Variants in SHANK2 observed in about 807,000 individuals in gnomAD.
SHANK2 encodes the protein SH3 and multiple ankyrin repeat domains protein 2.
SHANK2 carries 43 observed loss-of-function variants against 133.7 expected under a neutral mutation model. The ratio of observed to expected loss-of-function variants is 0.32; its 90% confidence interval spans 0.25 to 0.41. SHANK2 has a LOEUF of 0.41. Ranked by LOEUF, SHANK2 falls within the 10% of genes least tolerant of loss-of-function variation. The pLI is 1.00. For missense variants in SHANK2, 1,994 were observed against 2,235.8 expected, an observed-to-expected ratio of 0.89 and a Z score of 2.18; for synonymous variants, 1,017 against 952.8, an observed-to-expected ratio of 1.07 and a Z score of -1.24.
At chr11:70,880,962 T>C (rs1949650442) in intron 11 of SHANK2, among the ~76,000 whole-genome samples, 1 of 152,182 alleles carries the variant, frequency 6.6e-6, no homozygotes, top group Admixed American at 6.5e-5. Flanking sequence ...ACATTCTGAG[T>C]CTGTGTTCCC....
At chr11:71,095,007 G>A (rs1951581420) in intron 6 of SHANK2, among the ~76,000 whole-genome samples, 1 of 152,188 alleles carries the variant, frequency 6.6e-6, no homozygotes. Flanking sequence ...AGAATCCTGT[G>A]GTACCATCTG....
At chr11:70,530,461 G>A (rs976311362) in intron 17 of SHANK2, among the ~76,000 whole-genome samples, 7 of 152,116 alleles carry the variant, frequency 4.6e-5, no homozygotes, top group Admixed American at 2.0e-4. Flanking sequence ...GCTTGAGCCC[G>A]GGAATTTGAG....
intron 20 of SHANK2, among the ~76,000 whole-genome samples, chr11:70,501,081 G>A (rs1034824601): frequency 6.7e-6 from 1 of 148,674 alleles, no homozygotes; most frequent in African/African-American, 2.6e-5. Flanking sequence ...TCTGTGGAGA[G>A]GGCCTGGAGG....
chr11:70,601,175 C>T (rs2060492094), intron 17 of SHANK2, among the ~76,000 whole-genome samples: 1 of 152,002 alleles, frequency 6.6e-6, no homozygotes, highest in Non-Finnish European at 1.5e-5. Flanking sequence ...CCTCAGCCTC[C>T]TGAGTAGCTG....
intron 14 of SHANK2, among the ~76,000 whole-genome samples, chr11:70,787,889 T>A (rs1309331134): frequency 6.6e-6 from 1 of 152,162 alleles, no homozygotes; most frequent in Non-Finnish European, 1.5e-5. Flanking sequence ...ACTCACCATC[T>A]CTGACCTCGT....
intron 14 of SHANK2, among the ~76,000 whole-genome samples, chr11:70,724,834 T>C (rs1267547203): frequency 6.6e-6 from 1 of 152,188 alleles, no homozygotes; most frequent in African/African-American, 2.4e-5. Flanking sequence ...TCTCAAGATC[T>C]AACGGGGTGA....
chr11:70,728,151 C>T (rs956089227), intron 14 of SHANK2, among the ~76,000 whole-genome samples: 3 of 152,130 alleles, frequency 2.0e-5, no homozygotes, highest in East Asian at 1.9e-4. Context: ...CCATAGAAAC[C>T]GAGCCATGGG....
At position 71,246,388 on chromosome 11, in the gene SHANK2, G is replaced by T. The variant is rs148024721; in HGVS notation, c.-113+6037C>A. Among the ~76,000 whole-genome samples the T allele has an allele frequency of 3.9e-5, 6 of 152,150 alleles. No individual in the cohort carries two copies. In the East Asian group the frequency reaches 1.2e-3, roughly 29 times the overall value. ...ATGAGCCGGAGTGAGGAAGACGTGG[G>T]GCAGGACACCCCCAAGTCTGCAGGG... On this transcript the variant is annotated intron_variant, in intron 1 of 25. Transcript: ENST00000601538.
chr11:71,240,035 T>C (rs1212412526), intron 1 of SHANK2, among the ~76,000 whole-genome samples: 2 of 152,154 alleles, frequency 1.3e-5, no homozygotes, highest in Non-Finnish European at 2.9e-5. Flanking sequence ...AATAGTAATA[T>C]GATACTAATT....
At chr11:70,907,450 CAA>C (rs1950123792) in intron 10 of SHANK2, among the ~76,000 whole-genome samples, 1 of 152,182 alleles carries the variant, frequency 6.6e-6, no homozygotes, top group South Asian at 2.1e-4. Flanking sequence ...GCACCGATAC[CAA>C]AGACAACCTC....
chr11:70,755,420 C>T (rs1946846585), intron 14 of SHANK2, among the ~76,000 whole-genome samples: 1 of 152,228 alleles, frequency 6.6e-6, no homozygotes, highest in South Asian at 2.1e-4. Context: ...GGGCTTCCTG[C>T]AGAAACTGTG....
chr11:70,528,296 G>A (rs1473457726), intron 17 of SHANK2, among the ~76,000 whole-genome samples: 1 of 152,200 alleles, frequency 6.6e-6, no homozygotes, highest in Non-Finnish European at 1.5e-5. Flanking sequence ...TCCGGTGGAA[G>A]CAGGAAGGTT....
intron 17 of SHANK2, among the ~76,000 whole-genome samples, chr11:70,550,781 C>T (rs1488097473): frequency 4.6e-5 from 7 of 152,188 alleles, no homozygotes; most frequent in African/African-American, 1.7e-4. Context: ...CCCAGGCAGT[C>T]AGCGGGTGAA....
chr11:71,214,962 G>C (rs1954375062), intron 2 of SHANK2, among the ~76,000 whole-genome samples: 1 of 152,220 alleles, frequency 6.6e-6, no homozygotes. Flanking sequence ...AGGGAGAACA[G>C]AATAGGGCTG....
At chr11:70,942,561 G>C (rs1412190727) in intron 10 of SHANK2, 1 of 456,620 alleles carries the variant, frequency 2.2e-6, no homozygotes. Context: ...TTCAACATGA[G>C]ATTTGGTGGG....
At chr11:71,071,308 C>A (rs1951138324) in intron 9 of SHANK2, among the ~76,000 whole-genome samples, 1 of 152,238 alleles carries the variant, frequency 6.6e-6, no homozygotes. Flanking sequence ...CCTAGGGACA[C>A]AGCTGCATAC....
intron 14 of SHANK2, among the ~76,000 whole-genome samples, chr11:70,731,880 C>T (rs529860419): frequency 1.2e-3 from 190 of 152,294 alleles, no homozygotes; most frequent in Middle Eastern, 0.01. Context: ...CTGACACAGC[C>T]GCCTCCTCCT....
At chr11:71,068,199 T>G (rs1357042979) in intron 9 of SHANK2, among the ~76,000 whole-genome samples, 2 of 151,938 alleles carry the variant, frequency 1.3e-5, no homozygotes, top group African/African-American at 4.8e-5. Context: ...AATCTACAAG[T>G]AGAAAGAGGA....
At position 70,807,072 on chromosome 11, in the gene SHANK2, G is replaced by A. The variant is rs551912187; in HGVS notation, c.1593C>T (p.Phe531=). 59 of 717,942 alleles carry A rather than the reference G, an allele frequency of 8.2e-5. No homozygotes were observed. The highest frequency in any genetic ancestry group is 5.2e-5 in the African/African-American group (3 of 57,364). The allele number at this position is 717,942 out of a possible 1,614,324, so 44.5% of individuals were successfully genotyped here. Reference sequence around the variant, plus strand: ...GGGGTTGGTATGGCTTGACAGCGACGAAGAGCCTCCCGGGCACGGCACTGT... The same window carrying A: ...GGGGTTGGTATGGCTTGACAGCGACAAAGAGCCTCCCGGGCACGGCACTGT... ...KLYSAVPGRL[F]VAVKPYQPQV... Residue 531 remains phenylalanine, a synonymous_variant, in exon 13 of 26, where the codon TTC becomes TTT. Transcript: ENST00000601538. The surrounding 1 kb of genome is among the most constrained non-coding windows in gnomAD (Gnocchi z 4.8).
Sources: gnomAD v4.1 joint callset for allele counts (sites outside exome capture counted in the v4.1 genomes callset) on GRCh38, gnomAD v4.1.1 for gene constraint, Gnocchi (gnomAD v3.1) non-coding constraint, MANE v1.5 for transcripts, NCBI Gene and HGNC (gene_info 2026-07-23, HGNC 2026-07-21) for gene names.